The following AHRR variants were observed in gnomAD, a reference collection of about 807,000 sequenced individuals.
The protein encoded by AHRR is aryl hydrocarbon receptor repressor, also known as ahR repressor.
A neutral mutation model predicts 44.0 loss-of-function variants in AHRR; 28 were observed. The ratio of observed to expected loss-of-function variants is 0.64; its 90% confidence interval spans 0.47 to 0.87. The LOEUF (loss-of-function observed/expected upper bound fraction) is 0.87. Ranked by LOEUF, AHRR falls within the 40% of genes least tolerant of loss-of-function variation. The pLI is 0.00. For missense variants in AHRR, 990 were observed against 953.9 expected (o/e 1.04, Z -0.50); for synonymous variants, 434 against 407.0 (o/e 1.07, Z -0.80).
At chr5:402,115 C>T (rs183391822) in intron 4 of AHRR, among the ~76,000 whole-genome samples, 1 of 152,126 alleles carries the variant, frequency 6.6e-6, no homozygotes, top group Non-Finnish European at 1.5e-5. Flanking sequence ...GAAGAAAAAA[C>T]CCCATTAAAA....
chr5:333,102 C>A (rs181409213), intron 1 of AHRR, among the ~76,000 whole-genome samples: 117 of 151,970 alleles, frequency 7.7e-4, no homozygotes, highest in African/African-American at 2.7e-3. Context: ...GAGACAGGAT[C>A]TCGCTATGTT....
intron 3 of AHRR, among the ~76,000 whole-genome samples, chr5:362,373 T>C (rs865950265): frequency 1.6e-4 from 24 of 152,230 alleles, no homozygotes; most frequent in African/African-American, 5.5e-4. Context: ...CAAGCCCCCA[T>C]GGCAGGGCCG....
intron 3 of AHRR, among the ~76,000 whole-genome samples, chr5:375,450 G>A (rs941129607): frequency 1.3e-5 from 2 of 152,296 alleles, no homozygotes; most frequent in Non-Finnish European, 1.5e-5. Flanking sequence ...CCTAACCCGC[G>A]GAAGTGGGCA....
At chr5:433,695 G>T (rs1736846554) in intron 10 of AHRR, among the ~76,000 whole-genome samples, 158 bp from the exon 11 acceptor site, 1 of 152,030 alleles carries the variant, frequency 6.6e-6, no homozygotes, top group African/African-American at 2.4e-5. Context: ...GGGCTGCTGG[G>T]GGGGTTAGAA....
At position 395,488 on chromosome 5, in the gene AHRR, C is replaced by T. The variant is rs1271465470; in HGVS notation, c.352-17856C>T. On this transcript the variant is annotated intron_variant, in intron 4 of 10. Coordinates refer to ENST00000684583, the MANE Select transcript of AHRR (RefSeq NM_001377236.1). The surrounding 1 kb of genome is among the most constrained non-coding windows in gnomAD (Gnocchi z 5.3). ...AGCTCCAGGACTGGACAGGCAGCTT[C>T]CCAGAGGCCACTGCAGGCCAGGTCA... 5.9e-5 allele frequency among the ~76,000 whole-genome samples: 9 copies of T among 152,230 alleles called. No individual in the cohort carries two copies. The highest frequency in any genetic ancestry group is 1.9e-4 in the African/African-American group (8 of 41,466).
At chr5:384,788 A>T (rs1734106161) in intron 4 of AHRR, among the ~76,000 whole-genome samples, 1 of 152,200 alleles carries the variant, frequency 6.6e-6, no homozygotes, top group Non-Finnish European at 1.5e-5. Flanking sequence ...GATACTTGCC[A>T]CGTCTGTTGT....
At chr5:333,100 A>C (rs7703861) in intron 1 of AHRR, among the ~76,000 whole-genome samples, 1 of 151,642 alleles carries the variant, frequency 6.6e-6, no homozygotes. Context: ...TAGAGACAGG[A>C]TCTCGCTATG....
chr5:381,281 G>A (rs138639469), intron 4 of AHRR, among the ~76,000 whole-genome samples: 39 of 152,206 alleles, frequency 2.6e-4, no homozygotes, highest in African/African-American at 8.9e-4. Flanking sequence ...CAATCCAATC[G>A]ACACTTGAAA....
At chr5:366,013 A>G (rs1241138757) in intron 3 of AHRR, among the ~76,000 whole-genome samples, 1 of 152,132 alleles carries the variant, frequency 6.6e-6, no homozygotes, top group Non-Finnish European at 1.5e-5. Context: ...TTCAATATAT[A>G]AAGAGAGACA....
intron 3 of AHRR, among the ~76,000 whole-genome samples, chr5:368,273 G>A (rs1245020410): frequency 2.0e-5 from 3 of 152,292 alleles, no homozygotes; most frequent in Admixed American, 1.3e-4. Context: ...CTCCCTGGGC[G>A]TGCACCGCGC....
At chr5:334,893 G>A (rs1742068606) in intron 1 of AHRR, among the ~76,000 whole-genome samples, 1 of 152,140 alleles carries the variant, frequency 6.6e-6, no homozygotes, top group Non-Finnish European at 1.5e-5. Flanking sequence ...ATGTTGGTTG[G>A]GTAGGGCCCT....
chr5:421,314 G>A (rs1383860833), intron 5 of AHRR: 1 of 696,914 alleles, frequency 1.4e-6, no homozygotes. Flanking sequence ...TGCCCCCACG[G>A]TCGCGATGCG....
intron 2 of AHRR, among the ~76,000 whole-genome samples, chr5:349,393 C>T (rs768850653): frequency 4.6e-5 from 7 of 152,146 alleles, no homozygotes; most frequent in East Asian, 1.9e-4. Flanking sequence ...CTGGCTAACA[C>T]GGTGAAACCC....
Position 434,306 on chromosome 5 carries a change from G to T in AHRR, c.1566G>T (p.Leu522=), listed in dbSNP as rs374134517. 11 of 1,610,416 alleles carry T rather than the reference G, an allele frequency of 6.8e-6. No individual in the cohort carries two copies. The highest frequency in any genetic ancestry group is 9.3e-6 in the Non-Finnish European group (11 of 1,178,214). ...GTGTACCGATGCCTCCGGGGGACCT[G>T]TGTGGTCCGACGCTGCTGCTAGATG... ...LQGVPMPPGD[L]CGPTLLLDVS... Residue 522 remains leucine, a synonymous_variant, in exon 11 of 11, where the codon CTG becomes CTT. Transcript: ENST00000684583.
chr5:340,220 T>C (rs1742282700), intron 1 of AHRR, among the ~76,000 whole-genome samples: 1 of 152,208 alleles, frequency 6.6e-6, no homozygotes, highest in Non-Finnish European at 1.5e-5. Flanking sequence ...CTGTTTTTTC[T>C]TGAGTTTTGA....
intron 3 of AHRR, chr5:367,853 C>T (rs538122410): frequency 1.0e-4 from 71 of 702,596 alleles, no homozygotes; most frequent in Middle Eastern, 4.6e-4. Context: ...GATGACCACA[C>T]GGGCGAACGA....
Position 338,112 on chromosome 5 carries a change from C to T in AHRR, c.-10-5781C>T, listed in dbSNP as rs147013450. On this transcript the variant is annotated intron_variant, in intron 1 of 10. Transcript: ENST00000684583. The surrounding 1 kb of genome is among the most constrained non-coding windows in gnomAD (Gnocchi z 4.1). ...GTCTCCCCTCCCGGGTCTGTGTAGCCGCCATATACTTGATGTCCACGTTTG... is the reference window on the plus strand; with the variant it reads ...GTCTCCCCTCCCGGGTCTGTGTAGCTGCCATATACTTGATGTCCACGTTTG... 5.6e-4 allele frequency among the ~76,000 whole-genome samples: 85 copies of T among 152,276 alleles called. No individual in the cohort carries two copies. The East Asian group carries it at 8.3e-3, about 15-fold the overall frequency.
chr5:340,935 T>G (rs1742326978), intron 1 of AHRR, among the ~76,000 whole-genome samples: 1 of 150,576 alleles, frequency 6.6e-6, no homozygotes, highest in African/African-American at 2.5e-5. Flanking sequence ...TGACCTCAGG[T>G]GATCCTCCTG....
At chr5:361,713 TG>T (rs1743190428) in intron 3 of AHRR, among the ~76,000 whole-genome samples, 1 of 152,216 alleles carries the variant, frequency 6.6e-6, no homozygotes, top group Non-Finnish European at 1.5e-5. Flanking sequence ...TCCTGCCTTT[TG>T]CAATGGGGAG....
Sources: allele counts gnomAD v4.1 joint callset (sites outside exome capture counted in the v4.1 genomes callset), GRCh38; gene constraint gnomAD v4.1.1; non-coding constraint Gnocchi (gnomAD v3.1); transcripts MANE v1.5; gene names NCBI Gene and HGNC (gene_info 2026-07-23, HGNC 2026-07-21).